RAD51B: variants seen among roughly 807,000 people sequenced by gnomAD.
RAD51B encodes the protein RAD51 paralog B.
Under a neutral mutation model 42.2 loss-of-function variants are expected in RAD51B, and 38 were observed. That is an observed-to-expected ratio of 0.90 (90% confidence interval 0.70 to 1.18). The LOEUF is 1.18. RAD51B is among the 50% of genes most tolerant of loss of function. RAD51B has a pLI of 0.00. For synonymous variants in RAD51B, 154 were observed against 145.2 expected (o/e 1.06, Z -0.43); for missense variants, 373 against 400.7 (o/e 0.93, Z 0.59).
intron 7 of RAD51B, among the ~76,000 whole-genome samples, chr14:68,133,740 G>A (rs1176741664): frequency 6.6e-6 from 1 of 152,146 alleles, no homozygotes; most frequent in East Asian, 1.9e-4. Context: ...CCAAAGTGCT[G>A]GGATTACAGG....
intron 11 of RAD51B, among the ~76,000 whole-genome samples, chr14:68,672,660 C>T (rs1165861706): frequency 6.6e-6 from 1 of 152,138 alleles, no homozygotes. Context: ...CAGTGTTTTC[C>T]TTCAAAGCAA....
chr14:68,465,995 T>A (rs969975148), intron 9 of RAD51B, among the ~76,000 whole-genome samples: 2 of 149,544 alleles, frequency 1.3e-5, no homozygotes, highest in African/African-American at 5.0e-5. Flanking sequence ...AATAAATAAA[T>A]TCACATTGAA....
intron 7 of RAD51B, among the ~76,000 whole-genome samples, chr14:68,168,246 A>G (rs772948150): frequency 2.8e-4 from 43 of 152,268 alleles, no homozygotes; most frequent in Non-Finnish European, 3.1e-4. Context: ...ACTCCTTTTA[A>G]TCAGGACAGT....
chr14:67,832,055 A>G (rs1329825403), intron 3 of RAD51B, among the ~76,000 whole-genome samples: 2 of 152,248 alleles, frequency 1.3e-5, no homozygotes, highest in African/African-American at 4.8e-5. Context: ...AAAATTGGAA[A>G]CAATAATAAT....
chr14:67,913,671 A>C (rs1444091243), intron 7 of RAD51B, among the ~76,000 whole-genome samples: 1 of 152,124 alleles, frequency 6.6e-6, no homozygotes, highest in Non-Finnish European at 1.5e-5. Context: ...TTTTGTGGGT[A>C]CATAGTAGGT....
At chr14:68,086,492 A>G (rs952331813) in intron 7 of RAD51B, among the ~76,000 whole-genome samples, 8 of 152,164 alleles carry the variant, frequency 5.3e-5, no homozygotes, top group Admixed American at 5.2e-4. Context: ...CTGTGGGCCC[A>G]GGTCTGGGGG....
At chr14:68,429,205 C>T (rs534183020) in intron 9 of RAD51B, among the ~76,000 whole-genome samples, 7 of 152,236 alleles carry the variant, frequency 4.6e-5, no homozygotes, top group African/African-American at 1.4e-4. Flanking sequence ...TATAGTGCTG[C>T]AATAAACATA....
intron 7 of RAD51B, among the ~76,000 whole-genome samples, chr14:68,011,141 T>G (rs1397784629): frequency 6.6e-6 from 1 of 152,054 alleles, no homozygotes; most frequent in African/African-American, 2.4e-5. Context: ...GATGACTGTT[T>G]TAATTAGTTC....
In RAD51B at chr14:68,570,794, A is replaced by C. The variant is rs139977895; in HGVS notation, c.1037-23691A>C. On this transcript the variant is annotated intron_variant, in intron 10 of 10. Transcript: ENST00000487270. ...TAATATGTGCGTATATGAAACTATAATTTAAGACACTGTGATCAATAACCT... is the reference window on the plus strand; with the variant it reads ...TAATATGTGCGTATATGAAACTATACTTTAAGACACTGTGATCAATAACCT... Among the ~76,000 whole-genome samples the C allele has an allele frequency of 3.6e-3, 545 of 152,248 alleles. 3 individuals carry two copies. The highest frequency in any genetic ancestry group is 0.025 in the East Asian group (131 of 5,186).
At chr14:67,876,476 A>G (rs1480394601) in intron 5 of RAD51B, among the ~76,000 whole-genome samples, 2 of 152,214 alleles carry the variant, frequency 1.3e-5, no homozygotes, top group African/African-American at 4.8e-5. Flanking sequence ...TTACGAAAGA[A>G]GTCTATCTGT....
chr14:67,939,310 T>C (rs552794476), intron 7 of RAD51B, among the ~76,000 whole-genome samples: 37 of 152,310 alleles, frequency 2.4e-4, no homozygotes, highest in Admixed American at 8.5e-4. Flanking sequence ...ATATGTGTCA[T>C]CTTACTCTAG....
intron 7 of RAD51B, among the ~76,000 whole-genome samples, chr14:68,126,628 C>T (rs1340525688): frequency 6.6e-6 from 1 of 152,200 alleles, no homozygotes; most frequent in Non-Finnish European, 1.5e-5. Context: ...TTCCTTAGTA[C>T]TCAAACTGCA....
intron 7 of RAD51B, among the ~76,000 whole-genome samples, chr14:68,153,072 A>T (rs1230957464): frequency 6.6e-6 from 1 of 152,100 alleles, no homozygotes; most frequent in African/African-American, 2.4e-5. Flanking sequence ...TACATGTGCT[A>T]TGTCTTTATG....
At chr14:67,848,570 A>G (rs1277907779) in intron 4 of RAD51B, among the ~76,000 whole-genome samples, 1 of 151,980 alleles carries the variant, frequency 6.6e-6, no homozygotes, top group Non-Finnish European at 1.5e-5. Context: ...TGGGGTGTTT[A>G]GAACACTTAA....
Position 68,646,651 on chromosome 14 carries a change from A to G in RAD51B, c.1037-4130A>G, listed in dbSNP as rs12590536. 3.8e-4 allele frequency among the ~76,000 whole-genome samples: 58 copies of G among 152,292 alleles called. No individual in the cohort carries two copies. The South Asian group carries it at 0.012, about 32-fold the overall frequency. ...CAGCCCCTTCTTACTTAGATTACAT[A>G]TATCTATTCACCTGTATTTGCTTCA... On this transcript the variant is annotated intron_variant, in intron 10 of 11. Coordinates refer to the RAD51B transcript ENST00000488612.
At chr14:68,666,723 A>G (rs908613674) in intron 11 of RAD51B, among the ~76,000 whole-genome samples, 1 of 152,176 alleles carries the variant, frequency 6.6e-6, no homozygotes, top group African/African-American at 2.4e-5. Context: ...CACAATTTCT[A>G]TTTCCCTATT....
At chr14:68,093,511 A>T (rs1218829874) in intron 7 of RAD51B, among the ~76,000 whole-genome samples, 1 of 152,016 alleles carries the variant, frequency 6.6e-6, no homozygotes, top group African/African-American at 2.4e-5. Flanking sequence ...GTATTCTCTG[A>T]TGTTAGTTTG....
At chr14:67,906,499 T>A (rs1206492085) in intron 7 of RAD51B, among the ~76,000 whole-genome samples, 1 of 152,130 alleles carries the variant, frequency 6.6e-6, no homozygotes, top group East Asian at 1.9e-4. Context: ...TCAGGTGGGC[T>A]TTGGATTTGA....
At chr14:68,519,490 T>G (rs988653716) in intron 10 of RAD51B, among the ~76,000 whole-genome samples, 3 of 152,214 alleles carry the variant, frequency 2.0e-5, no homozygotes, top group African/African-American at 7.2e-5. Flanking sequence ...TCAGTCCCAG[T>G]TGGCCTAAGA....
Sources: gnomAD v4.1 joint callset for allele counts (sites outside exome capture counted in the v4.1 genomes callset) on GRCh38, gnomAD v4.1.1 for gene constraint, MANE v1.5 for transcripts, NCBI Gene and HGNC (gene_info 2026-07-23, HGNC 2026-07-21) for gene names.